IAH1: variants seen among roughly 807,000 people sequenced by gnomAD.
IAH1 encodes the protein isoamyl acetate-hydrolyzing esterase 1 homolog.
A neutral mutation model predicts 26.7 loss-of-function variants in IAH1; 24 were observed. The ratio of observed to expected loss-of-function variants is 0.90; its 90% CI spans 0.65 to 1.26. IAH1 has a LOEUF of 1.26. IAH1 is among the 50% of genes most tolerant of loss of function. IAH1 has a pLI of 0.00. For synonymous variants in IAH1, 140 were observed against 118.5 expected, an observed-to-expected ratio of 1.18 and a Z score of -1.18; for missense variants, 300 against 299.9, an observed-to-expected ratio of 1.00 and a Z score of 0.00.
At chr2:9,509,997 G>A in the IAH1 span, 4 of 1,613,860 alleles carry the variant, frequency 2.5e-6, no homozygotes, top group Non-Finnish European at 3.4e-6. Context: ...TCTCGTGATC[G>A]CCACTCACAG....
At position 9,488,397 on chromosome 2, in the gene IAH1, G is replaced by T; in HGVS notation, c.*68G>T. 1 of 1,256,766 alleles carries T rather than the reference G, an allele frequency of 8.0e-7. No homozygotes were observed. Among genetic ancestry groups the T allele is most frequent in the Non-Finnish European group, 1.1e-6 (1 of 912,544 alleles). 77.9% of individuals were successfully genotyped at this position (1,256,766 alleles called of 1,614,324 possible). On this transcript the variant is annotated 3_prime_UTR_variant, in exon 6 of 6. Coordinates refer to ENST00000497473, the MANE Select transcript of IAH1 (RefSeq NM_001039613.3). ...CAAAGTTGTCAATACGTAGAGGTAC[G>T]CTTTTTTCCTCAGGCTTAAACCTTT...
In IAH1 at chr2:9,474,899, G is replaced by A; in HGVS notation, c.81+252G>A. On this transcript the variant is annotated intron_variant, in intron 1 of 5. Coordinates refer to ENST00000497473, the MANE Select transcript of IAH1 (RefSeq NM_001039613.3). This position sits in a 1 kb window ranked among gnomAD's most constrained non-coding sequence, Gnocchi z 4.3. ...GGCACAGACGCGAGGGGACCCGGCC[G>A]CGCTGCCCGCCCCGCGCCGCCTCCC... 2 of 613,658 alleles carry A rather than the reference G, an allele frequency of 3.3e-6. No individual in the cohort carries two copies. Among genetic ancestry groups the A allele is most frequent in the Non-Finnish European group, 4.5e-6 (2 of 446,240 alleles). 38.0% of individuals were successfully genotyped at this position (613,658 alleles called of 1,614,324 possible).
the IAH1 span, among the ~76,000 whole-genome samples, chr2:9,504,391 G>C: frequency 6.6e-6 from 1 of 152,122 alleles, no homozygotes; most frequent in Non-Finnish European, 1.5e-5. Flanking sequence ...ATTGCAGTGC[G>C]CTGAGATCGC....
At chr2:9,482,386 A>G (rs1661237577) in intron 4 of IAH1, among the ~76,000 whole-genome samples, 1 of 152,226 alleles carries the variant, frequency 6.6e-6, no homozygotes. Flanking sequence ...TGGCTTTGCA[A>G]CACAGAACAG....
downstream of IAH1, chr2:9,491,034 G>T (rs1446637141): frequency 7.0e-7 from 1 of 1,421,222 alleles, no homozygotes; most frequent in Non-Finnish European, 9.8e-7. Context: ...TGGGTCAGGT[G>T]AAGGTCTTTG....
chr2:9,497,094 C>G, downstream of IAH1: 1 of 1,609,992 alleles, frequency 6.2e-7, no homozygotes, highest in South Asian at 1.1e-5. Flanking sequence ...TGCTGCTGGA[C>G]TGGGAATAAA....
downstream of IAH1, among the ~76,000 whole-genome samples, chr2:9,492,178 C>A (rs928691855): frequency 3.3e-5 from 5 of 152,192 alleles, no homozygotes; most frequent in Non-Finnish European, 7.3e-5. Context: ...AGGAAGGCCA[C>A]TATGAAAGAG....
chr2:9,490,845 C>T (rs550029452), downstream of IAH1, among the ~76,000 whole-genome samples: 6 of 152,288 alleles, frequency 3.9e-5, no homozygotes, highest in South Asian at 1.0e-3. Context: ...AAAATATTAA[C>T]TAAGTGTTGA....
chr2:9,493,537 G>C (rs1057211860), downstream of IAH1, among the ~76,000 whole-genome samples: 3 of 152,128 alleles, frequency 2.0e-5, no homozygotes, highest in Non-Finnish European at 4.4e-5. Flanking sequence ...TATTTCCCTT[G>C]TCAGAAAATC....
chr2:9,486,849 A>C (rs1362210925), intron 5 of IAH1: 1 of 151,458 alleles, frequency 6.6e-6, no homozygotes, highest in African/African-American at 2.4e-5. Flanking sequence ...AAAAAAAGTC[A>C]CATAAGCTAG....
downstream of IAH1, chr2:9,490,010 G>GA (rs2124946454): frequency 1.7e-6 from 1 of 603,094 alleles, no homozygotes; most frequent in Non-Finnish European, 2.8e-6. Flanking sequence ...TTCAAAAGGA[G>GA]AAGGGCCAAA....
chr2:9,498,942 T>G (rs1662813673), downstream of IAH1, among the ~76,000 whole-genome samples: 1 of 152,168 alleles, frequency 6.6e-6, no homozygotes, highest in South Asian at 2.1e-4. Context: ...TTAGCATGCA[T>G]GGAAATCACC....
chr2:9,478,128 G>T, intron 2 of IAH1, 94 bp from the exon 3 acceptor site: 1 of 1,152,106 alleles, frequency 8.7e-7, no homozygotes. Context: ...GACGGGTTTA[G>T]AATCCCAGAG....
At chr2:9,475,655 C>A (rs560492097) in intron 1 of IAH1, 45 of 340,356 alleles carry the variant, frequency 1.3e-4, no homozygotes, top group South Asian at 8.1e-4. Flanking sequence ...CGTGCGCCAC[C>A]ACACCGGGCT....
chr2:9,503,121 C>T, the IAH1 span, among the ~76,000 whole-genome samples: 1 of 126,538 alleles, frequency 7.9e-6, no homozygotes, highest in African/African-American at 3.1e-5. Context: ...GCCTGGTCAA[C>T]AGGGCGAGAC....
intron 5 of IAH1, chr2:9,487,396 C>G (rs965147680): frequency 5.3e-5 from 8 of 152,136 alleles, no homozygotes; most frequent in Non-Finnish European, 1.2e-4. Context: ...AATATTGACT[C>G]ATGGGGCCCC....
At chr2:9,478,482 TTTTGCCA>T in intron 3 of IAH1, 112 bp downstream of exon 3, 1 of 1,073,624 alleles carries the variant, frequency 9.3e-7, no homozygotes, top group Non-Finnish European at 1.3e-6. Flanking sequence ...ATAGATACAG[TTTTGCCA>T]AACTTATGTT....
Position 9,478,203 on chromosome 2 carries a change from T to C in IAH1, c.135-19T>C. 2 of 1,589,320 alleles carry C rather than the reference T, an allele frequency of 1.3e-6. No individual in the cohort carries two copies. Among genetic ancestry groups the C allele is most frequent in the South Asian group, 1.1e-5 (1 of 87,618 alleles). On this transcript the variant is annotated intron_variant, in intron 2 of 5. Transcript: ENST00000497473. ...CACTTCTTGCCCACAATTCATCTTT[T>C]TAAAATTTTTCGTTTCAGAAAATGT... is the stretch of plus-strand genomic sequence containing the variant.
the IAH1 span, among the ~76,000 whole-genome samples, chr2:9,509,168 C>T: frequency 6.6e-6 from 1 of 152,198 alleles, no homozygotes; most frequent in East Asian, 1.9e-4. Flanking sequence ...AAATACTTCA[C>T]AATCTTTTGT....
Sources: allele counts gnomAD v4.1 joint callset (sites outside exome capture counted in the v4.1 genomes callset), GRCh38; gene constraint gnomAD v4.1.1; non-coding constraint Gnocchi (gnomAD v3.1); transcripts MANE v1.5; gene names NCBI Gene and HGNC (gene_info 2026-07-23, HGNC 2026-07-21).